Variants in BICC1 observed in about 807,000 individuals in gnomAD.
BICC1 encodes BicC family RNA binding protein 1, also known as protein bicaudal C homolog 1.
BICC1 carries 43 observed loss-of-function variants against 111.0 expected under a neutral mutation model. That is an observed-to-expected ratio of 0.39 (90% CI 0.30 to 0.50). The LOEUF (loss-of-function observed/expected upper bound fraction) is 0.50, where lower values mean the gene tolerates loss of function less well. Ranked by LOEUF, BICC1 falls within the 20% of genes least tolerant of loss-of-function variation. The probability of loss-of-function intolerance (pLI) is 0.88; values close to 1 mark genes in which losing one functional copy is unlikely to be tolerated. For missense variants in BICC1, 1,091 were observed against 1,203.2 expected, an observed-to-expected ratio of 0.91 and a Z score of 1.38; for synonymous variants, 467 against 434.4, an observed-to-expected ratio of 1.07 and a Z score of -0.93.
chr10:58,813,690 CGA>C (rs2132939550), intron 17 of BICC1, 138 bp from the exon 18 acceptor site: 1 of 847,594 alleles, frequency 1.2e-6, no homozygotes, highest in South Asian at 1.7e-5. Flanking sequence ...ACAGCCTTCC[CGA>C]GAGTCAACAC....
intron 3 of BICC1, chr10:58,715,462 G>A (rs2132500735): frequency 1.4e-6 from 1 of 739,560 alleles, no homozygotes; most frequent in Non-Finnish European, 2.4e-6. Flanking sequence ...AGCAGAGTGG[G>A]GAGGCGGCAA....
At position 58,553,057 on chromosome 10, in the gene BICC1, A is replaced by G. The variant is rs541401638; in HGVS notation, c.190+39724A>G. Reference sequence around the variant, plus strand: ...TTTGTTCTTTTGTCTTTCCCTTTAAATTGACCCCCATAGGGCTTGTTCATC... The same window carrying G: ...TTTGTTCTTTTGTCTTTCCCTTTAAGTTGACCCCCATAGGGCTTGTTCATC... On this transcript the variant is annotated intron_variant, in intron 1 of 20. Coordinates refer to ENST00000373886, the MANE Select transcript of BICC1 (RefSeq NM_001080512.3). Among the ~76,000 whole-genome samples the G allele has an allele frequency of 3.0e-4, 46 of 152,138 alleles. No homozygotes were observed. In the South Asian group the frequency reaches 4.4e-3, roughly 14 times the overall value.
intron 3 of BICC1, among the ~76,000 whole-genome samples, chr10:58,772,898 G>A (rs571439154): frequency 1.2e-4 from 18 of 152,292 alleles, no homozygotes; most frequent in African/African-American, 4.3e-4. Flanking sequence ...GGTAAAAGTT[G>A]TATGGAAGCC....
intron 1 of BICC1, among the ~76,000 whole-genome samples, chr10:58,540,869 G>A (rs1842954969): frequency 6.6e-6 from 1 of 151,912 alleles, no homozygotes; most frequent in Admixed American, 6.6e-5. Flanking sequence ...ATGACCAAGT[G>A]GGATTTATTA....
intron 1 of BICC1, among the ~76,000 whole-genome samples, chr10:58,598,142 C>T (rs1844890802): frequency 6.6e-6 from 1 of 151,834 alleles, no homozygotes; most frequent in African/African-American, 2.4e-5. Context: ...ATTCAGGGTC[C>T]CTGACTTCTC....
At chr10:58,797,348 ATTC>A (rs1843388843) in intron 10 of BICC1, among the ~76,000 whole-genome samples, 1 of 152,152 alleles carries the variant, frequency 6.6e-6, no homozygotes, top group Admixed American at 6.5e-5. Flanking sequence ...TCCAATAGCT[ATTC>A]TTGCAGTCTT....
intron 2 of BICC1, among the ~76,000 whole-genome samples, chr10:58,700,506 C>G (rs986900806): frequency 1.3e-5 from 2 of 152,126 alleles, no homozygotes; most frequent in African/African-American, 4.8e-5. Context: ...AAGCAGCAGC[C>G]GGGGCCAGGT....
intron 3 of BICC1, among the ~76,000 whole-genome samples, chr10:58,707,711 A>ATTG: frequency 6.6e-6 from 1 of 151,258 alleles, no homozygotes; most frequent in South Asian, 2.1e-4. Flanking sequence ...TATTATTATT[A>ATTG]TTTGAGATGG....
At chr10:58,575,832 G>C (rs1395014976) in intron 1 of BICC1, among the ~76,000 whole-genome samples, 1 of 152,076 alleles carries the variant, frequency 6.6e-6, no homozygotes, top group Non-Finnish European at 1.5e-5. Flanking sequence ...TTCAGGGAGA[G>C]GGAAGCTTTT....
At chr10:58,621,091 G>T (rs1845789733) in intron 2 of BICC1, among the ~76,000 whole-genome samples, 190 bp downstream of exon 2, 1 of 152,130 alleles carries the variant, frequency 6.6e-6, no homozygotes, top group Non-Finnish European at 1.5e-5. Context: ...TTCCAAGAAG[G>T]CTCCTTCCAG....
At chr10:58,551,659 C>G (rs1405831569) in intron 1 of BICC1, among the ~76,000 whole-genome samples, 2 of 152,112 alleles carry the variant, frequency 1.3e-5, no homozygotes, top group Non-Finnish European at 2.9e-5. Flanking sequence ...CCTCTCCTTC[C>G]CACCCAGCCC....
intron 1 of BICC1, among the ~76,000 whole-genome samples, chr10:58,606,914 C>G (rs1228970647): frequency 6.6e-6 from 1 of 152,110 alleles, no homozygotes; most frequent in African/African-American, 2.4e-5. Flanking sequence ...TTTTAAAAAG[C>G]TATTTCCTCC....
rs1840693082 is a variant in BICC1, at chr10:58,715,001, G to T, written c.307+12858G>T. Among the ~76,000 whole-genome samples the T allele has an allele frequency of 2.0e-5, 3 of 151,976 alleles. No homozygotes were observed. In the South Asian group the frequency reaches 6.2e-4, roughly 32 times the overall value. On this transcript the variant is annotated intron_variant, in intron 3 of 20. Coordinates refer to ENST00000373886, the MANE Select transcript of BICC1 (RefSeq NM_001080512.3). ...GAGGCAGGAGAATTGCTTGAACCCG[G>T]GAGGTGGAGTGAGCCAAGATCTAAC... is the stretch of plus-strand genomic sequence containing the variant.
intron 3 of BICC1, among the ~76,000 whole-genome samples, chr10:58,713,857 T>C (rs73297888): frequency 0.021 from 3,139 of 152,344 alleles, 118 homozygotes; most frequent in African/African-American, 0.072. Flanking sequence ...TCATGGTATC[T>C]TTCTTTCCTT....
intron 15 of BICC1, among the ~76,000 whole-genome samples, chr10:58,805,385 CAT>C (rs1410745595): frequency 6.6e-6 from 1 of 152,038 alleles, no homozygotes; most frequent in Non-Finnish European, 1.5e-5. Flanking sequence ...CAAAGCTGAG[CAT>C]AGTCTCTTTA....
At chr10:58,781,551 C>A (rs913275540) in intron 3 of BICC1, among the ~76,000 whole-genome samples, 6 of 152,184 alleles carry the variant, frequency 3.9e-5, no homozygotes, top group Non-Finnish European at 8.8e-5. Context: ...GGGAGAAGCT[C>A]TACGCTTATT....
At chr10:58,617,826 G>A (rs1008429685) in intron 1 of BICC1, among the ~76,000 whole-genome samples, 6 of 152,244 alleles carry the variant, frequency 3.9e-5, no homozygotes, top group Admixed American at 3.9e-4. Context: ...GACCTCCTCT[G>A]ACCAGGTACA....
Position 58,514,051 on chromosome 10 carries a change from T to C in BICC1, c.190+718T>C, listed in dbSNP as rs189002897. Among the ~76,000 whole-genome samples, 3 of 152,386 alleles carry C rather than the reference T, an allele frequency of 2.0e-5. No individual in the cohort carries two copies. In the East Asian group the frequency reaches 5.8e-4, roughly 29 times the overall value. ...CTTTGTCTTTCACAACTTAGAATTA[T>C]TTTTAACTCTTTAATTTCTTTGGGA... On this transcript the variant is annotated intron_variant, in intron 1 of 20. Coordinates refer to ENST00000373886, the MANE Select transcript of BICC1 (RefSeq NM_001080512.3).
intron 1 of BICC1, among the ~76,000 whole-genome samples, chr10:58,525,073 A>G (rs908503702): frequency 2.8e-5 from 4 of 145,102 alleles, no homozygotes; most frequent in African/African-American, 7.5e-5. Context: ...CAGGTGCTGG[A>G]GAGGATGTGG....
Sources: gnomAD v4.1 joint callset for allele counts (sites outside exome capture counted in the v4.1 genomes callset) on GRCh38, gnomAD v4.1.1 for gene constraint, MANE v1.5 for transcripts, NCBI Gene and HGNC (gene_info 2026-07-23, HGNC 2026-07-21) for gene names.